Variants in ABHD2 observed in about 807,000 individuals in gnomAD.
ABHD2 encodes monoacylglycerol lipase ABHD2.
Under a neutral mutation model 48.1 loss-of-function variants are expected in ABHD2, and 20 were observed. The observed-to-expected ratio is 0.42, with a 90% CI of 0.29 to 0.60. ABHD2 has a LOEUF of 0.60. ABHD2 is among the 20% of genes least tolerant of loss of function. The probability of loss-of-function intolerance (pLI) is 0.24; values close to 1 mark genes in which losing one functional copy is unlikely to be tolerated. For missense variants in ABHD2, 405 were observed against 550.9 expected, an observed-to-expected ratio of 0.74 and a Z score of 2.65; for synonymous variants, 209 against 214.2, an observed-to-expected ratio of 0.98 and a Z score of 0.21.
At chr15:89,133,653 T>C (rs995016896) in intron 3 of ABHD2, among the ~76,000 whole-genome samples, 14 of 152,306 alleles carry the variant, frequency 9.2e-5, no homozygotes, top group African/African-American at 1.2e-4. Flanking sequence ...TCCTTTTCTG[T>C]TCACTGCCTG....
At position 89,201,066 on chromosome 15, in the gene ABHD2, G is replaced by A; in HGVS notation, c.*5643G>A. The A allele has an allele frequency of 1.3e-6, 1 of 799,356 alleles. No individual in the cohort carries two copies. The highest frequency in any genetic ancestry group is 2.2e-6 in the Non-Finnish European group (1 of 457,864). The allele number at this position is 799,356 out of a possible 1,614,324, so 49.5% of individuals were successfully genotyped here. ...CTCTGCACTCCAGCCTGGGCAACAAGAGTGAGACTCCGTCTCCAAAAAAAG... is the reference window on the plus strand; with the variant it reads ...CTCTGCACTCCAGCCTGGGCAACAAAAGTGAGACTCCGTCTCCAAAAAAAG... On this transcript the variant is annotated 3_prime_UTR_variant, in exon 11 of 11. Transcript: ENST00000352732.
chr15:89,060,340 C>T, the ABHD2 span, among the ~76,000 whole-genome samples: 1 of 151,808 alleles, frequency 6.6e-6, no homozygotes, highest in Non-Finnish European at 1.5e-5. Context: ...ATCCACCCAC[C>T]TCGGCCTCCT....
At chr15:89,098,367 A>C (rs1268762176) in intron 1 of ABHD2, among the ~76,000 whole-genome samples, 2 of 152,096 alleles carry the variant, frequency 1.3e-5, no homozygotes, top group Non-Finnish European at 2.9e-5. Context: ...AAAAATTCAG[A>C]GTTCAGCAGG....
chr15:89,110,212 A>T (rs2049851506), intron 1 of ABHD2, among the ~76,000 whole-genome samples: 1 of 152,082 alleles, frequency 6.6e-6, no homozygotes, highest in Non-Finnish European at 1.5e-5. Context: ...GGCACGTGCC[A>T]CCATACCTGG....
chr15:89,192,728 G>C (rs1299180899), intron 9 of ABHD2, among the ~76,000 whole-genome samples: 5 of 152,092 alleles, frequency 3.3e-5, no homozygotes, highest in Non-Finnish European at 7.4e-5. Context: ...AACAAATAGA[G>C]ACTGGGCTGT....
chr15:89,127,277 G>C (rs1337598263), intron 3 of ABHD2, among the ~76,000 whole-genome samples: 1 of 152,122 alleles, frequency 6.6e-6, no homozygotes, highest in Non-Finnish European at 1.5e-5. Flanking sequence ...TGGGTGCATG[G>C]CATCAAACCA....
intron 3 of ABHD2, among the ~76,000 whole-genome samples, chr15:89,118,115 G>C (rs1263021065): frequency 6.6e-6 from 1 of 152,194 alleles, no homozygotes; most frequent in East Asian, 1.9e-4. Flanking sequence ...GCTCTGTAAA[G>C]GGTGTGCACG....
the ABHD2 span, among the ~76,000 whole-genome samples, chr15:89,051,094 G>A: frequency 4.6e-5 from 7 of 152,128 alleles, no homozygotes; most frequent in South Asian, 4.1e-4. Context: ...TTAGCTGGGC[G>A]TGGTGGTGCG....
chr15:89,106,499 G>A lies in ABHD2; in HGVS notation c.-106-7226G>A, dbSNP rs970085288. The A allele has an allele frequency of 6.6e-6, 1 of 152,108 alleles. No homozygotes were observed. The highest frequency in any genetic ancestry group is 1.5e-5 in the Non-Finnish European group (1 of 68,098). The allele number at this position is 152,108 out of a possible 1,614,324, so 9.4% of individuals were successfully genotyped here. On this transcript the variant is annotated intron_variant, in intron 1 of 10. Coordinates refer to ENST00000352732, the MANE Select transcript of ABHD2 (RefSeq NM_152924.5). This position sits in a 1 kb window ranked among gnomAD's most constrained non-coding sequence, Gnocchi z 4.2. ...GGGTCGCCAGGGCTGTGCAGTTCCC[G>A]AAGCCTCCTGGCTATGTTCTGAGGC...
At chr15:89,190,301 G>A (rs992553540) in intron 8 of ABHD2, among the ~76,000 whole-genome samples, 21 of 152,192 alleles carry the variant, frequency 1.4e-4, no homozygotes, top group African/African-American at 4.3e-4. Flanking sequence ...CTGGGAGCAC[G>A]GAGCAGAGCA....
At chr15:89,191,516 G>A (rs1303616388) in intron 9 of ABHD2, among the ~76,000 whole-genome samples, 1 of 151,870 alleles carries the variant, frequency 6.6e-6, no homozygotes, top group Admixed American at 6.6e-5. Context: ...TCTGTATTTT[G>A]TTACCATAGT....
At chr15:89,191,975 G>A (rs2051313560) in intron 9 of ABHD2, among the ~76,000 whole-genome samples, 1 of 152,172 alleles carries the variant, frequency 6.6e-6, no homozygotes, top group Admixed American at 6.5e-5. Context: ...GCAACTTTTA[G>A]CAGCTACAAT....
intron 3 of ABHD2, among the ~76,000 whole-genome samples, chr15:89,143,258 A>G: frequency 6.6e-6 from 1 of 152,222 alleles, no homozygotes; most frequent in Non-Finnish European, 1.5e-5. Flanking sequence ...CCAGTATTCA[A>G]TTTACCACAT....
intron 1 of ABHD2, among the ~76,000 whole-genome samples, chr15:89,101,358 C>G (rs978051155): frequency 2.0e-5 from 3 of 152,128 alleles, no homozygotes; most frequent in African/African-American, 4.8e-5. Flanking sequence ...CTTTAAATAT[C>G]CAAAAGCTGC....
At chr15:89,082,804 A>G (rs1392209230), upstream of ABHD2, 4 of 152,182 alleles carry the variant, frequency 2.6e-5, no homozygotes, top group Non-Finnish European at 5.9e-5. This position sits in a 1 kb window ranked among gnomAD's most constrained non-coding sequence, Gnocchi z 4.4. Flanking sequence ...TAATTTAAAT[A>G]TATGGTAAAA....
chr15:89,114,322 C>G lies in ABHD2; in HGVS notation c.-7+498C>G, dbSNP rs2049922017. 6.6e-6 allele frequency among the ~76,000 whole-genome samples: 1 copy of G among 152,136 alleles called. No homozygotes were observed. Among genetic ancestry groups the G allele is most frequent in the South Asian group, 2.1e-4 (1 of 4,832 alleles). ...AAAACTGCTCATGTGCACAAACTTT[C>G]ACATGATTTCAGGGGGTTCTTAGAC... On this transcript the variant is annotated intron_variant, in intron 2 of 10. Transcript: ENST00000352732. This position sits in a 1 kb window ranked among gnomAD's most constrained non-coding sequence, Gnocchi z 4.2.
In ABHD2 at chr15:89,189,959, A is replaced by G. The variant is rs2051276455; in HGVS notation, c.927-1121A>G. 6.6e-6 allele frequency among the ~76,000 whole-genome samples: 1 copy of G among 152,160 alleles called. No individual in the cohort carries two copies. Among genetic ancestry groups the G allele is most frequent in the Admixed American group, 6.5e-5 (1 of 15,276 alleles). On this transcript the variant is annotated intron_variant, in intron 8 of 10. Coordinates refer to ENST00000352732, the MANE Select transcript of ABHD2 (RefSeq NM_152924.5). The surrounding 1 kb of genome is among the most constrained non-coding windows in gnomAD (Gnocchi z 4.9). ...CAGAGATCCATCCCAGTAATACTGG[A>G]GGGATGGAACAATGCATTTCCTGCC...
chr15:89,052,546 G>GACACACACACACACACAC, the ABHD2 span, among the ~76,000 whole-genome samples: 1 of 137,068 alleles, frequency 7.3e-6, no homozygotes, highest in African/African-American at 2.9e-5. Context: ...CAGACAGACA[G>GACACACACACACACACAC]ACAGACAGAC....
At chr15:89,051,533 G>C in the ABHD2 span, among the ~76,000 whole-genome samples, 3 of 152,140 alleles carry the variant, frequency 2.0e-5, no homozygotes, top group Non-Finnish European at 2.9e-5. Flanking sequence ...TGGTTTGGCT[G>C]TGCCCCCACC....
Sources: gnomAD v4.1 joint callset for allele counts (sites outside exome capture counted in the v4.1 genomes callset) on GRCh38, gnomAD v4.1.1 for gene constraint, Gnocchi (gnomAD v3.1) non-coding constraint, MANE v1.5 for transcripts, NCBI Gene and HGNC (gene_info 2026-07-23, HGNC 2026-07-21) for gene names.